The following EBF2 variants were observed in gnomAD, a reference collection of about 807,000 sequenced individuals.
The protein encoded by EBF2 is EBF transcription factor 2.
Under a neutral mutation model 72.8 loss-of-function variants are expected in EBF2, and 21 were observed. That is an observed-to-expected ratio of 0.29 (90% CI 0.20 to 0.42). The LOEUF (loss-of-function observed/expected upper bound fraction) is 0.42, where lower values mean the gene tolerates loss of function less well. Ranked by LOEUF, EBF2 falls within the 10% of genes least tolerant of loss-of-function variation. The pLI is 1.00. For missense variants in EBF2, 637 were observed against 731.2 expected (o/e 0.87, Z 1.49); for synonymous variants, 299 against 274.2 (o/e 1.09, Z -0.89).
Position 25,861,146 on chromosome 8 carries a change from G to C in EBF2, c.1245C>G (p.Leu415=). 2 of 1,614,204 alleles carry C rather than the reference G, an allele frequency of 1.2e-6. No homozygotes were observed. The highest frequency in any genetic ancestry group is 1.7e-6 in the Non-Finnish European group (2 of 1,180,026). The change falls in exon 13 of 16, where the codon CTC becomes CTG. Residue 415 remains leucine, a synonymous_variant. Transcript: ENST00000520164. ...TGCCACTGTGCGCTGGGGAGCTAGA[G>C]AGGGCTGGAAGCTGGCTGGGATTCC... The part of the protein sequence containing the change: ...VPRNPSQLPA[L]SSSPAHSGMM...
intron 6 of EBF2, among the ~76,000 whole-genome samples, chr8:26,029,112 C>T (rs1281712028): frequency 1.3e-5 from 2 of 152,184 alleles, no homozygotes; most frequent in East Asian, 3.8e-4. Flanking sequence ...AGAACTAAGT[C>T]CTTAATGGAG....
rs1237168586 is a variant in EBF2 at position 26,045,096 on chromosome 8, G to A, written c.-237C>T. ...TATCCTCCGCAAGTTCAGATCTGCC[G>A]CCTCAGCCACTCCACCCTAGGTCGC... On this transcript the variant is annotated 5_prime_UTR_variant, in exon 1 of 16. Transcript: ENST00000520164. The A allele has an allele frequency of 2.3e-6, 1 of 429,556 alleles. No individual in the cohort carries two copies. Among genetic ancestry groups the A allele is most frequent in the Non-Finnish European group, 4.3e-6 (1 of 234,374 alleles). 26.6% of individuals were successfully genotyped at this position (429,556 alleles called of 1,614,324 possible).
Position 25,886,891 on chromosome 8 carries a change from G to C in EBF2, c.883-10C>G. The C allele has an allele frequency of 6.2e-7, 1 of 1,610,316 alleles. No individual in the cohort carries two copies. The highest frequency in any genetic ancestry group is 1.3e-5 in the African/African-American group (1 of 74,926). On this transcript the variant is annotated splice_polypyrimidine_tract_variant and intron_variant, in intron 9 of 15. Transcript: ENST00000520164. The stretch of plus-strand genomic sequence containing the variant: ...CATGAGGGGTTATTAGCTGAGGAAT[G>C]AACAGGCAGGGAAATAAAATACCCA...
chr8:25,952,700 C>T lies in EBF2; in HGVS notation c.552-44145G>A, dbSNP rs1178169439. On this transcript the variant is annotated intron_variant, in intron 6 of 15. Coordinates refer to ENST00000520164, the MANE Select transcript of EBF2 (RefSeq NM_022659.4). ...GCCCTTCATCTATGCAAGTTTTATGCTCTATTTCAAACCCAAGTGAATGTG... is the reference window on the plus strand; with the variant it reads ...GCCCTTCATCTATGCAAGTTTTATGTTCTATTTCAAACCCAAGTGAATGTG... Among the ~76,000 whole-genome samples, 6 of 152,196 alleles carry T rather than the reference C, an allele frequency of 3.9e-5. No individual in the cohort carries two copies. The East Asian group carries it at 1.2e-3, about 29-fold the overall frequency.
At chr8:25,849,496 C>G (rs1417125503) in intron 15 of EBF2, among the ~76,000 whole-genome samples, 1 of 152,174 alleles carries the variant, frequency 6.6e-6, no homozygotes, top group African/African-American at 2.4e-5. Context: ...AGCCTTTGAT[C>G]CATGAGGGTT....
At chr8:25,965,130 T>A (rs930373913) in intron 6 of EBF2, among the ~76,000 whole-genome samples, 2 of 152,186 alleles carry the variant, frequency 1.3e-5, no homozygotes, top group Non-Finnish European at 2.9e-5. Flanking sequence ...GATATTAAAT[T>A]GTTTCTCAAG....
chr8:25,988,888 C>T (rs575986220), intron 6 of EBF2, among the ~76,000 whole-genome samples: 1 of 152,312 alleles, frequency 6.6e-6, no homozygotes, highest in South Asian at 2.1e-4. Flanking sequence ...AAATCCACAG[C>T]TCTTTCCAAA....
chr8:25,962,507 C>T (rs17054693), intron 6 of EBF2, among the ~76,000 whole-genome samples: 3,397 of 151,566 alleles, frequency 0.022, 128 homozygotes, highest in African/African-American at 0.077. Context: ...CGGGTAACAC[C>T]ACACACTTTC....
chr8:25,854,162 T>TAAC (rs1198835554), intron 14 of EBF2, among the ~76,000 whole-genome samples: 1 of 151,462 alleles, frequency 6.6e-6, no homozygotes, highest in Non-Finnish European at 1.5e-5. Flanking sequence ...AAAATAATTT[T>TAAC]AACTTTCCTC....
intron 14 of EBF2, among the ~76,000 whole-genome samples, chr8:25,852,092 C>T (rs1167482534): frequency 6.6e-6 from 1 of 152,104 alleles, no homozygotes; most frequent in Non-Finnish European, 1.5e-5. Context: ...CATCTGAGTA[C>T]ATCTGTCTTT....
At chr8:25,930,715 A>ATGATGAGATCTGCCAGAAG (rs1803465347) in intron 6 of EBF2, among the ~76,000 whole-genome samples, 2 of 152,308 alleles carry the variant, frequency 1.3e-5, no homozygotes, top group African/African-American at 4.8e-5. Flanking sequence ...TTTGGTTGGG[A>ATGATGAGATCTGCCAGAAG]TGATGAGATC....
intron 6 of EBF2, among the ~76,000 whole-genome samples, chr8:25,972,425 C>T (rs115672729): frequency 0.015 from 2,240 of 152,116 alleles, 62 homozygotes; most frequent in African/African-American, 0.052. Flanking sequence ...TGGGGTGTGG[C>T]TTGGGAGGAT....
intron 6 of EBF2, among the ~76,000 whole-genome samples, chr8:26,028,560 T>C (rs1805341805): frequency 6.6e-6 from 1 of 152,170 alleles, no homozygotes; most frequent in Admixed American, 6.5e-5. Context: ...AGTCAGACTG[T>C]CCCTAAAGTC....
chr8:25,950,558 A>G (rs551574737), intron 6 of EBF2, among the ~76,000 whole-genome samples: 3 of 152,350 alleles, frequency 2.0e-5, no homozygotes, highest in South Asian at 4.1e-4. Flanking sequence ...AGAGGGGACA[A>G]AGGGAACCAT....
At chr8:26,008,487 A>G (rs1804920185) in intron 6 of EBF2, among the ~76,000 whole-genome samples, 1 of 152,168 alleles carries the variant, frequency 6.6e-6, no homozygotes. Context: ...AGAGACACAC[A>G]GTGGTTGGAA....
At chr8:25,964,355 A>T (rs11135904) in intron 6 of EBF2, among the ~76,000 whole-genome samples, 1 of 151,902 alleles carries the variant, frequency 6.6e-6, no homozygotes, top group Non-Finnish European at 1.5e-5. Context: ...TACGTTTAGG[A>T]TTGGTTTTCT....
chr8:25,952,760 A>T (rs1391539214), intron 6 of EBF2, among the ~76,000 whole-genome samples: 1 of 152,166 alleles, frequency 6.6e-6, no homozygotes, highest in Non-Finnish European at 1.5e-5. Context: ...GCCAACTCCA[A>T]ATCATTCTAC....
intron 6 of EBF2, among the ~76,000 whole-genome samples, chr8:25,969,008 T>A (rs1242880323): frequency 6.6e-6 from 1 of 151,478 alleles, no homozygotes; most frequent in Non-Finnish European, 1.5e-5. Flanking sequence ...AAACTTAAAA[T>A]GGTAAAAAAA....
intron 6 of EBF2, among the ~76,000 whole-genome samples, chr8:25,964,903 G>C (rs886109682): frequency 1.3e-5 from 2 of 152,138 alleles, no homozygotes; most frequent in African/African-American, 4.8e-5. Flanking sequence ...GACTGTCATA[G>C]AAGCTTAGTC....
Sources: allele counts gnomAD v4.1 joint callset (sites outside exome capture counted in the v4.1 genomes callset), GRCh38; gene constraint gnomAD v4.1.1; transcripts MANE v1.5; gene names NCBI Gene and HGNC (gene_info 2026-07-23, HGNC 2026-07-21).